Variants in NBEAL1 observed in about 807,000 individuals in gnomAD.
NBEAL1 encodes neurobeachin like 1, also known as neurobeachin-like protein 1.
Under a neutral mutation model 351.3 loss-of-function variants are expected in NBEAL1, and 273 were observed. The ratio of observed to expected loss-of-function variants is 0.78; its 90% confidence interval spans 0.70 to 0.86. The LOEUF is 0.86. NBEAL1 is among the 40% of genes least tolerant of loss of function. NBEAL1 has a pLI of 0.00. For synonymous variants in NBEAL1, 1,050 were observed against 1,086.4 expected (o/e 0.97, Z 0.66); for missense variants, 2,961 against 3,201.3 (o/e 0.92, Z 1.81).
chr2:203,157,746 G>C lies in NBEAL1; in HGVS notation c.5635G>C (p.Val1879Leu). Residue 1879 changes from valine to leucine, a missense_variant, in exon 36 of 56, where the codon GTG (valine) becomes CTG (leucine). Val to Leu is a conservative substitution (Grantham distance 32, BLOSUM62 1). Transcript: ENST00000683969. ...CAGTGATACATTGCTTTTGGAAGTA[G>C]TGAAACAAGTAAAAGTTAGTGATAT... ...PSSDTLLLEV[V>L]KQVKVSDMVE... 6.3e-7 allele frequency: 1 copy of C among 1,599,042 alleles called. No homozygotes were observed.
chr2:203,171,989 G>A lies in NBEAL1; in HGVS notation c.6164G>A (p.Gly2055Glu). The A allele has an allele frequency of 6.2e-7, 1 of 1,607,602 alleles. No homozygotes were observed. Among genetic ancestry groups the A allele is most frequent in the Non-Finnish European group, 8.5e-7 (1 of 1,177,852 alleles). Residue 2055 changes from glycine to glutamate, a missense_variant, in exon 40 of 56, where the codon GGA (glycine) becomes GAA (glutamate). Transcript: ENST00000683969. ...DYLIQINTMA[G>E]RTYNDLAQYP... ...CTCATTCAAATAAATACAATGGCAG[G>A]ACGAACCTATAATGACCTTGCACAG...
chr2:203,061,839 T>G (rs978673776), intron 6 of NBEAL1: 7 of 168,768 alleles, frequency 4.1e-5, no homozygotes, highest in Non-Finnish European at 8.9e-5. Context: ...CAGTGTGAGT[T>G]TTCTGGTGCA....
In NBEAL1 at chr2:203,057,373, T is replaced by C. The variant is rs2061420916; in HGVS notation, c.435T>C (p.Ile145=). The C allele has an allele frequency of 6.4e-7, 1 of 1,552,156 alleles. No individual in the cohort carries two copies. Among genetic ancestry groups the C allele is most frequent in the East Asian group, 2.4e-5 (1 of 41,520 alleles). Residue 145 remains isoleucine, a synonymous_variant, in exon 6 of 56, where the codon ATT becomes ATC. Coordinates refer to ENST00000683969, the MANE Select transcript of NBEAL1 (RefSeq NM_001378026.1). The stretch of plus-strand genomic sequence containing the variant: ...AGGAAATGGCAGATCAGACATGTAT[T>C]GAAGAATTTGTGATCCACGCATTGG... ...KEKEMADQTC[I]EEFVIHALAF... is the part of the protein sequence containing the mutation.
rs2061499596 is a variant in NBEAL1, at chr2:203,061,574, C to T, written c.515+4121C>T. The T allele has an allele frequency of 2.0e-5, 3 of 152,942 alleles. No individual in the cohort carries two copies. The South Asian group carries it at 6.2e-4, about 32-fold the overall frequency. The allele number at this position is 152,942 out of a possible 1,614,324, so 9.5% of individuals were successfully genotyped here. A position where few individuals can be genotyped will look rare whatever the true frequency, so the allele number is the denominator to read the frequency against. ...TTTTTTACATTCCTAAGGCTTTTCT[C>T]CACTGTGAGCCCTTGTATGCTTATG... On this transcript the variant is annotated intron_variant, in intron 6 of 55. Coordinates refer to ENST00000683969, the MANE Select transcript of NBEAL1 (RefSeq NM_001378026.1).
intron 17 of NBEAL1, among the ~76,000 whole-genome samples, chr2:203,115,610 T>G (rs1243543230): frequency 4.0e-5 from 6 of 150,422 alleles, no homozygotes; most frequent in Non-Finnish European, 7.4e-5. Context: ...GATATTTTTT[T>G]GTAGAAATGG....
intron 6 of NBEAL1, 33 bp downstream of exon 6, chr2:203,057,486 A>G: frequency 6.6e-7 from 1 of 1,511,432 alleles, no homozygotes; most frequent in Non-Finnish European, 8.9e-7. Flanking sequence ...TTCATTTAAA[A>G]CCTGAATGTC....
At chr2:203,164,804 C>G (rs939306998) in intron 36 of NBEAL1, among the ~76,000 whole-genome samples, 2 of 151,474 alleles carry the variant, frequency 1.3e-5, no homozygotes, top group African/African-American at 4.8e-5. Context: ...AGAGAGTTAG[C>G]TGGCTTAAAA....
intron 7 of NBEAL1, among the ~76,000 whole-genome samples, chr2:203,068,864 G>T (rs531373280): frequency 6.6e-6 from 1 of 152,230 alleles, no homozygotes; most frequent in Non-Finnish European, 1.5e-5. Flanking sequence ...CAAAAAGCTG[G>T]AATTACAGGC....
chr2:203,178,430 G>A (rs1264203025), intron 42 of NBEAL1, among the ~76,000 whole-genome samples: 2 of 152,128 alleles, frequency 1.3e-5, no homozygotes, highest in Non-Finnish European at 2.9e-5. Flanking sequence ...GCCTACCAAA[G>A]TGCTGGGATT....
intron 40 of NBEAL1, among the ~76,000 whole-genome samples, chr2:203,172,380 G>C (rs535840353): frequency 6.6e-6 from 1 of 152,106 alleles, no homozygotes; most frequent in East Asian, 1.9e-4. Flanking sequence ...AATTATCTGG[G>C]CGTGGTGGTG....
intron 1 of NBEAL1, 143 bp downstream of exon 1, chr2:203,015,125 A>G (rs1349896725): frequency 1.3e-5 from 2 of 152,356 alleles, no homozygotes; most frequent in East Asian, 3.9e-4. Context: ...GTGTTCCGAT[A>G]CTGTAGTGCA....
At chr2:203,109,514 A>G (rs1001808846) in intron 14 of NBEAL1, among the ~76,000 whole-genome samples, 1 of 151,546 alleles carries the variant, frequency 6.6e-6, no homozygotes, top group African/African-American at 2.4e-5. Flanking sequence ...ACTTTTTAAT[A>G]TGTCTTGTGA....
intron 2 of NBEAL1, among the ~76,000 whole-genome samples, chr2:203,035,264 C>T (rs2061024808): frequency 6.7e-6 from 1 of 149,220 alleles, no homozygotes; most frequent in South Asian, 2.1e-4. Context: ...AGTGTTCAGA[C>T]TTCATCCTTT....
intron 6 of NBEAL1, among the ~76,000 whole-genome samples, chr2:203,063,360 A>C (rs1178237419): frequency 1.3e-5 from 2 of 150,308 alleles, no homozygotes; most frequent in Non-Finnish European, 3.0e-5. Flanking sequence ...AGGTGAGAGG[A>C]TCACTGAGCC....
At chr2:203,060,709 G>T (rs1163575255) in intron 6 of NBEAL1, among the ~76,000 whole-genome samples, 1 of 152,122 alleles carries the variant, frequency 6.6e-6, no homozygotes, top group Non-Finnish European at 1.5e-5. Context: ...ACAATGAACC[G>T]CTGATAAGCA....
rs1187493599 is a variant in NBEAL1, at chr2:203,107,659, C to T, written c.1420C>T (p.Gln474Ter). ...TGGGATTTTGGGCATTAGTAATGTCCAACCTCTCTTGCTTCTTATCCAGTG... is the reference window on the plus strand; with the variant it reads ...TGGGATTTTGGGCATTAGTAATGTCTAACCTCTCTTGCTTCTTATCCAGTG... ...SVGILGISNVQPLLLLIQWLP... is the reference protein window; with the variant it reads ...SVGILGISNV Residue 474 changes from glutamine to a stop codon, truncating the protein, a stop_gained, in exon 14 of 56, where the codon CAA (glutamine) becomes TAA (stop). Transcript: ENST00000683969. LOFTEE classifies it high-confidence loss of function. The T allele has an allele frequency of 1.3e-6, 2 of 1,552,692 alleles. No homozygotes were observed.
At chr2:203,076,333 A>G (rs1439002012) in intron 7 of NBEAL1, among the ~76,000 whole-genome samples, 2 of 151,844 alleles carry the variant, frequency 1.3e-5, no homozygotes, top group African/African-American at 4.8e-5. Context: ...AAAATACAAA[A>G]AATTAGATGG....
At chr2:203,022,061 AAAAG>A (rs1233555385) in intron 2 of NBEAL1, among the ~76,000 whole-genome samples, 9 of 151,950 alleles carry the variant, frequency 5.9e-5, no homozygotes, top group Admixed American at 2.6e-4. Context: ...AAAAAAAAAA[AAAAG>A]AAAGAAAAAG....
At chr2:203,158,194 A>C (rs1421798964) in intron 36 of NBEAL1, among the ~76,000 whole-genome samples, 2 of 152,166 alleles carry the variant, frequency 1.3e-5, no homozygotes. Flanking sequence ...AGAAAAACAA[A>C]AAGAAAGATT....
Sources: gnomAD v4.1 joint callset for allele counts (sites outside exome capture counted in the v4.1 genomes callset) on GRCh38, gnomAD v4.1.1 for gene constraint, MANE v1.5 for transcripts, NCBI Gene and HGNC (gene_info 2026-07-23, HGNC 2026-07-21) for gene names.